Variants in CNTLN observed in about 807,000 individuals in gnomAD.
The protein encoded by CNTLN is centlein, centrosomal protein.
CNTLN carries 212 observed loss-of-function variants against 180.0 expected under a neutral mutation model. That is an observed-to-expected ratio of 1.18 (90% confidence interval 1.05 to 1.32). The LOEUF (loss-of-function observed/expected upper bound fraction) is 1.32, where lower values mean the gene tolerates loss of function less well. Among genes scored for constraint, CNTLN ranks in the 40% most tolerant of loss-of-function variants. CNTLN has a pLI of 0.00. For missense variants in CNTLN, 2,095 were observed against 1,610.9 expected (o/e 1.30, Z -5.14); for synonymous variants, 722 against 563.1 (o/e 1.28, Z -3.99).
chr9:17,379,912 T>C (rs188686217), intron 13 of CNTLN, among the ~76,000 whole-genome samples: 1 of 151,654 alleles, frequency 6.6e-6, no homozygotes, highest in East Asian at 1.9e-4. Context: ...TAAATTTCTC[T>C]TTACTGAAAA....
intron 13 of CNTLN, among the ~76,000 whole-genome samples, chr9:17,368,860 C>T (rs2133460817): frequency 6.6e-6 from 1 of 152,262 alleles, no homozygotes; most frequent in South Asian, 2.1e-4. Flanking sequence ...ACCGGAAAGT[C>T]TTGGGCTGAA....
chr9:17,354,384 A>T (rs1203656795), intron 12 of CNTLN, among the ~76,000 whole-genome samples: 1 of 152,174 alleles, frequency 6.6e-6, no homozygotes, highest in African/African-American at 2.4e-5. Context: ...CCACTGGGTG[A>T]AGCCAGCTGG....
chr9:17,326,247 C>A (rs1008700303), intron 8 of CNTLN, among the ~76,000 whole-genome samples: 2 of 151,922 alleles, frequency 1.3e-5, no homozygotes, highest in East Asian at 1.9e-4. Flanking sequence ...TAGCACTATA[C>A]CATTGTATTT....
At chr9:17,351,273 G>C (rs1822337720) in intron 12 of CNTLN, among the ~76,000 whole-genome samples, 1 of 152,008 alleles carries the variant, frequency 6.6e-6, no homozygotes, top group African/African-American at 2.4e-5. Context: ...TTGCATATTT[G>C]CCTATGACAA....
At chr9:17,335,939 A>AAC (rs1554691535) in intron 10 of CNTLN, among the ~76,000 whole-genome samples, 1 of 151,870 alleles carries the variant, frequency 6.6e-6, no homozygotes, top group East Asian at 1.9e-4. Flanking sequence ...AACAAAAACA[A>AAC]AAACAAAGTT....
At chr9:17,300,909 G>GCATAGATA (rs1818298716) in intron 7 of CNTLN, 2 of 909,030 alleles carry the variant, frequency 2.2e-6, no homozygotes, top group South Asian at 1.0e-4. Flanking sequence ...CCAGTTATCT[G>GCATAGATA]CATAGATACC....
At chr9:17,459,196 G>A (rs1831312046) in intron 19 of CNTLN, among the ~76,000 whole-genome samples, 1 of 151,716 alleles carries the variant, frequency 6.6e-6, no homozygotes, top group African/African-American at 2.4e-5. Context: ...ACAGTTTTTA[G>A]TTGATTTATA....
intron 2 of CNTLN, among the ~76,000 whole-genome samples, chr9:17,215,038 C>T (rs973582913): frequency 2.0e-5 from 3 of 152,150 alleles, no homozygotes; most frequent in African/African-American, 2.4e-5. Context: ...TGTCTGAAGC[C>T]TTCTTTTCTC....
chr9:17,516,608 CT>C, the CNTLN span, among the ~76,000 whole-genome samples: 3 of 152,154 alleles, frequency 2.0e-5, no homozygotes, highest in South Asian at 2.1e-4. Context: ...TTGGCCCCCC[CT>C]GGATAATATG....
In CNTLN at chr9:17,362,966, CT is replaced by C. The variant is rs571056940; in HGVS notation, c.1887-3649del. Among the ~76,000 whole-genome samples the C allele has an allele frequency of 1.2e-3, 182 of 152,240 alleles. 1 individual carries two copies. Among genetic ancestry groups the C allele is most frequent in the African/African-American group, 4.3e-3 (179 of 41,538 alleles). On this transcript the variant is annotated intron_variant, in intron 12 of 25. Transcript: ENST00000380647. ...ATGTGTTCTCATTGTCCAACTCCCACTTATGAGTGAGAAAATGCGGTATTTG... is the reference window on the plus strand; with the variant it reads ...ATGTGTTCTCATTGTCCAACTCCCACTATGAGTGAGAAAATGCGGTATTTG...
chr9:17,292,088 A>C (rs867957403), intron 6 of CNTLN, among the ~76,000 whole-genome samples: 1 of 152,164 alleles, frequency 6.6e-6, no homozygotes, highest in Non-Finnish European at 1.5e-5. Flanking sequence ...GAAATTCAGG[A>C]TTGGAAATCC....
chr9:17,142,768 A>G (rs1022819236), intron 1 of CNTLN, among the ~76,000 whole-genome samples: 2 of 152,204 alleles, frequency 1.3e-5, no homozygotes, highest in African/African-American at 4.8e-5. Flanking sequence ...TCCTCAAAAG[A>G]GATACCTGTC....
At chr9:17,177,616 C>T (rs1274481271) in intron 2 of CNTLN, among the ~76,000 whole-genome samples, 1 of 151,942 alleles carries the variant, frequency 6.6e-6, no homozygotes, top group East Asian at 1.9e-4. Flanking sequence ...GTCTCACTGG[C>T]TCAGGAGTGA....
chr9:17,406,074 C>T (rs1321951473), intron 15 of CNTLN, among the ~76,000 whole-genome samples: 1 of 151,696 alleles, frequency 6.6e-6, no homozygotes, highest in Non-Finnish European at 1.5e-5. Flanking sequence ...TGGGCTTTAC[C>T]CCACCAAGCC....
chr9:17,359,989 G>A (rs1355704957), intron 12 of CNTLN, among the ~76,000 whole-genome samples: 1 of 152,060 alleles, frequency 6.6e-6, no homozygotes, highest in East Asian at 1.9e-4. Context: ...TCATCTTGAT[G>A]TGTCTTATTT....
Position 17,419,187 on chromosome 9 carries a change from A to G in CNTLN, c.3114+2998A>G, listed in dbSNP as rs181767875. 1.0e-3 allele frequency among the ~76,000 whole-genome samples: 158 copies of G among 152,218 alleles called. 1 individual carries two copies. Among genetic ancestry groups the G allele is most frequent in the African/African-American group, 3.6e-3 (150 of 41,550 alleles). On this transcript the variant is annotated intron_variant, in intron 18 of 25. Coordinates refer to ENST00000380647, the MANE Select transcript of CNTLN (RefSeq NM_017738.4). ...GTGTTACATATAGATAGTATTTTAC[A>G]ACTATGAGCTAAATGGTATACTAGG...
intron 2 of CNTLN, among the ~76,000 whole-genome samples, chr9:17,204,829 A>G (rs1822801934): frequency 6.6e-6 from 1 of 152,052 alleles, no homozygotes; most frequent in African/African-American, 2.4e-5. Context: ...GGGAGATGAG[A>G]GTTTTATCTG....
intron 10 of CNTLN, among the ~76,000 whole-genome samples, chr9:17,336,958 A>G (rs1425803358): frequency 6.6e-6 from 1 of 152,152 alleles, no homozygotes; most frequent in Non-Finnish European, 1.5e-5. Flanking sequence ...CTGTTTCTCC[A>G]CATCCTCTCT....
chr9:17,494,136 G>A (rs1000112123), intron 25 of CNTLN, among the ~76,000 whole-genome samples: 8 of 152,136 alleles, frequency 5.3e-5, no homozygotes, highest in Non-Finnish European at 1.2e-4. Flanking sequence ...AAAATACATG[G>A]AAAATAACTC....
Sources: allele counts gnomAD v4.1 joint callset (sites outside exome capture counted in the v4.1 genomes callset), GRCh38; gene constraint gnomAD v4.1.1; transcripts MANE v1.5; gene names NCBI Gene and HGNC (gene_info 2026-07-23, HGNC 2026-07-21).